IQUB: variants seen among roughly 807,000 people sequenced by gnomAD.
The protein encoded by IQUB is IQ motif and ubiquitin-like domain-containing protein.
A neutral mutation model predicts 86.4 loss-of-function variants in IQUB; 86 were observed. The observed-to-expected ratio is 1.00, with a 90% CI of 0.84 to 1.19. The LOEUF is 1.19. Among genes scored for constraint, IQUB ranks in the 50% most tolerant of loss-of-function variants. IQUB has a pLI of 0.00. For synonymous variants in IQUB, 289 were observed against 304.5 expected (o/e 0.95, Z 0.53); for missense variants, 946 against 916.9 (o/e 1.03, Z -0.41).
intron 1 of IQUB, among the ~76,000 whole-genome samples, chr7:123,530,008 GGC>G (rs748572293): frequency 2.6e-5 from 4 of 151,948 alleles, no homozygotes; most frequent in Non-Finnish European, 5.9e-5. Flanking sequence ...ACTCCAGCCT[GGC>G]GACAGAGCCA....
chr7:123,461,414 C>A lies in IQUB; in HGVS notation c.1950G>T (p.Gln650His). 6.2e-7 allele frequency: 1 copy of A among 1,611,908 alleles called. No individual in the cohort carries two copies. The highest frequency in any genetic ancestry group is 1.1e-5 in the South Asian group (1 of 90,990). Residue 650 changes from glutamine (Q) to histidine (H), a missense_variant, in exon 11 of 13, where the codon CAG (glutamine) becomes CAT (histidine). Coordinates refer to ENST00000324698, the MANE Select transcript of IQUB (RefSeq NM_178827.5). ...CATAATCAGCTTCTGTATAGTAGAGCTGTTGAAGTAAACATTTGTACTTCA... is the reference window on the plus strand; with the variant it reads ...CATAATCAGCTTCTGTATAGTAGAGATGTTGAAGTAAACATTTGTACTTCA... ...SFLKYKCLLQ[Q>H]LYYTEADYED...
chr7:123,519,516 G>T (rs1364642865), intron 1 of IQUB, among the ~76,000 whole-genome samples: 1 of 152,118 alleles, frequency 6.6e-6, no homozygotes, highest in Non-Finnish European at 1.5e-5. Flanking sequence ...TGAAACTGGG[G>T]GACATTATGT....
intron 1 of IQUB, among the ~76,000 whole-genome samples, chr7:123,513,021 G>A (rs1469517358): frequency 6.6e-6 from 1 of 152,140 alleles, no homozygotes; most frequent in African/African-American, 2.4e-5. Flanking sequence ...GTCCAATATA[G>A]CAGGGAGCCC....
intron 12 of IQUB, among the ~76,000 whole-genome samples, chr7:123,453,189 G>A (rs1793517832): frequency 6.6e-6 from 1 of 150,382 alleles, no homozygotes; most frequent in Non-Finnish European, 1.5e-5. Flanking sequence ...ATTTGAGCCA[G>A]AGGCCTGATT....
chr7:123,457,503 C>A lies in IQUB; in HGVS notation c.2071G>T (p.Asp691Tyr). ...ACCATGACCAGATCACTGAGATTGT[C>A]GCAAGCACTGAGGACTGACTGGGAC... ...WASQSVLSAC[D>Y]NLSDLVMVRW... The change falls in exon 12 of 13, where the codon GAC (aspartate) becomes TAC (tyrosine). Residue 691 changes from aspartate to tyrosine, a missense_variant. Transcript: ENST00000324698. The A allele has an allele frequency of 1.9e-6, 3 of 1,611,254 alleles. No individual in the cohort carries two copies. Among genetic ancestry groups the A allele is most frequent in the Non-Finnish European group, 1.7e-6 (2 of 1,178,836 alleles).
Position 123,521,649 on chromosome 7 carries a change from T to TAAACAC in IQUB, c.-4-9311_-4-9306dup, listed in dbSNP as rs1232348001. On this transcript the variant is annotated intron_variant, in intron 1 of 12. Coordinates refer to ENST00000324698, the MANE Select transcript of IQUB (RefSeq NM_178827.5). ...GTGATGGAGTGAGACCCTGTCTAAA[T>TAAACAC]AAACACACACACACACACACACACA... Among the ~76,000 whole-genome samples, 33 of 40,936 alleles carry TAAACAC rather than the reference T, an allele frequency of 8.1e-4. No homozygotes were observed. The East Asian group carries it at 0.012, about 14-fold the overall frequency. 26.9% of individuals were successfully genotyped at this position (40,936 alleles called of 152,430 possible). A position where few individuals can be genotyped will look rare whatever the true frequency, so the allele number is the denominator to read the frequency against.
chr7:123,533,953 T>TTTAAAGC (rs1488583786), intron 1 of IQUB, among the ~76,000 whole-genome samples: 1 of 152,242 alleles, frequency 6.6e-6, no homozygotes, highest in Non-Finnish European at 1.5e-5. Flanking sequence ...TTCCCTACCA[T>TTTAAAGC]TTAAAGCTTA....
chr7:123,461,571 A>C lies in IQUB; in HGVS notation c.1793T>G (p.Ile598Ser). 6.2e-7 allele frequency: 1 copy of C among 1,611,194 alleles called. No individual in the cohort carries two copies. Among genetic ancestry groups the C allele is most frequent in the African/African-American group, 1.3e-5 (1 of 74,844 alleles). Residue 598 changes from isoleucine (I) to serine (S), a missense_variant, in exon 11 of 13, where the codon ATT becomes AGT. Transcript: ENST00000324698. ...PQDPLKFYKKIYFCHSCQLYL... is the reference protein window; with the variant it reads ...PQDPLKFYKKSYFCHSCQLYL... The stretch of plus-strand genomic sequence containing the variant: ...AAGCTGGCAACTGTGGCAAAAGTAA[A>C]TCTTCTTATAAAATTTCAATGGGTC...
Position 123,461,196 on chromosome 7 carries a change from C to A in IQUB, c.2007+161G>T, listed in dbSNP as rs1025351563. On this transcript the variant is annotated intron_variant, in intron 11 of 12. Coordinates refer to ENST00000324698, the MANE Select transcript of IQUB (RefSeq NM_178827.5). ...TAGGTTATAGAGGTATAATGGTGAGCAGGAGGGAAAAAAAGCATACTCCTG... is the reference window on the plus strand; with the variant it reads ...TAGGTTATAGAGGTATAATGGTGAGAAGGAGGGAAAAAAAGCATACTCCTG... Among the ~76,000 whole-genome samples the A allele has an allele frequency of 3.3e-5, 5 of 151,212 alleles. No individual in the cohort carries two copies. The East Asian group carries it at 7.8e-4, about 24-fold the overall frequency.
chr7:123,497,813 CAA>C (rs1196531633), intron 6 of IQUB, among the ~76,000 whole-genome samples: 1 of 150,342 alleles, frequency 6.7e-6, no homozygotes, highest in Admixed American at 6.7e-5. Flanking sequence ...ATCCCTTCAA[CAA>C]AAGAGGCCAG....
At chr7:123,484,514 AATAAAAATGGAATGATATTAG>A (rs1795138234) in intron 7 of IQUB, among the ~76,000 whole-genome samples, 1 of 152,108 alleles carries the variant, frequency 6.6e-6, no homozygotes, top group Non-Finnish European at 1.5e-5. Context: ...TGCAAAAGTG[AATAAAAATGGAATGATATTAG>A]CAATCCTATT....
chr7:123,473,831 T>A (rs533116476), intron 8 of IQUB, among the ~76,000 whole-genome samples: 1 of 151,892 alleles, frequency 6.6e-6, no homozygotes, highest in South Asian at 2.1e-4. Context: ...GCGATCCACC[T>A]GCGTTGGCCT....
intron 1 of IQUB, among the ~76,000 whole-genome samples, chr7:123,514,315 A>G (rs923653497): frequency 6.6e-6 from 1 of 152,200 alleles, no homozygotes; most frequent in Non-Finnish European, 1.5e-5. Flanking sequence ...CTCTCAAGAA[A>G]GAAAACAGAA....
Position 123,526,395 on chromosome 7 carries a change from G to A in IQUB, c.-5+8097C>T, listed in dbSNP as rs536642539. On this transcript the variant is annotated intron_variant, in intron 1 of 12. Transcript: ENST00000324698. ...ATGAATCTGGGTGCTCCTGTATTGG[G>A]TGCATATATATTTAGGTTAGCTCTT... 2.7e-3 allele frequency among the ~76,000 whole-genome samples: 411 copies of A among 152,216 alleles called. 4 individuals are homozygous for A. The highest frequency in any genetic ancestry group is 9.3e-3 in the African/African-American group (387 of 41,526).
chr7:123,530,404 C>G (rs548536907), intron 1 of IQUB, among the ~76,000 whole-genome samples: 5 of 152,198 alleles, frequency 3.3e-5, no homozygotes, highest in Non-Finnish European at 7.4e-5. Context: ...CCACTGCACT[C>G]CAGCCTGGCG....
chr7:123,523,399 C>G (rs941500472), intron 1 of IQUB, among the ~76,000 whole-genome samples: 3 of 151,126 alleles, frequency 2.0e-5, no homozygotes, highest in African/African-American at 4.9e-5. Flanking sequence ...GCCATTCTAA[C>G]TGGTGTGAGA....
In IQUB at chr7:123,479,927, A is replaced by C; in HGVS notation, c.1278T>G (p.Thr426=). The C allele has an allele frequency of 6.2e-7, 1 of 1,612,952 alleles. No individual in the cohort carries two copies. Among genetic ancestry groups the C allele is most frequent in the Non-Finnish European group, 8.5e-7 (1 of 1,179,392 alleles). ...EELTRINQSF[T]GAERKAALCE... is the part of the protein sequence containing the mutation. ...ACAGAGCAGCTTTCCTTTCAGCTCC[A>C]GTAAAAGATTGGTTAATACGTGTAA... The change falls in exon 8 of 13, where the codon ACT becomes ACG. Residue 426 remains threonine (T), a synonymous_variant. Coordinates refer to ENST00000324698, the MANE Select transcript of IQUB (RefSeq NM_178827.5).
intron 1 of IQUB, among the ~76,000 whole-genome samples, chr7:123,524,318 G>C (rs1438403696): frequency 2.8e-4 from 41 of 144,024 alleles, no homozygotes; most frequent in Admixed American, 2.7e-3. Flanking sequence ...TCACGATATT[G>C]ATTCTTCCTA....
At chr7:123,526,875 T>G (rs2117366004) in intron 1 of IQUB, among the ~76,000 whole-genome samples, 1 of 152,330 alleles carries the variant, frequency 6.6e-6, no homozygotes, top group East Asian at 1.9e-4. Context: ...CTTCAGGCGC[T>G]CTTTTAGGGC....
Sources: allele counts gnomAD v4.1 joint callset (sites outside exome capture counted in the v4.1 genomes callset), GRCh38; gene constraint gnomAD v4.1.1; transcripts MANE v1.5; gene names NCBI Gene and HGNC (gene_info 2026-07-23, HGNC 2026-07-21).